Variants in GPHN observed in about 807,000 individuals in gnomAD.
GPHN encodes the protein gephyrin.
GPHN carries 17 observed loss-of-function variants against 95.5 expected under a neutral mutation model. The observed-to-expected ratio is 0.18, with a 90% CI of 0.12 to 0.27. GPHN has a LOEUF of 0.27. GPHN is among the 10% of genes least tolerant of loss of function. GPHN has a pLI of 1.00. For synonymous variants in GPHN, 320 were observed against 322.5 expected, an observed-to-expected ratio of 0.99 and a Z score of 0.08; for missense variants, 660 against 978.1, an observed-to-expected ratio of 0.67 and a Z score of 4.34.
At chr14:67,672,744 G>T in the GPHN span, among the ~76,000 whole-genome samples, 1 of 152,042 alleles carries the variant, frequency 6.6e-6, no homozygotes, top group Admixed American at 6.6e-5. Flanking sequence ...TACCCTGCCT[G>T]CAGTCTACTT....
chr14:66,813,252 A>T (rs1471887798), intron 3 of GPHN, among the ~76,000 whole-genome samples: 1 of 152,230 alleles, frequency 6.6e-6, no homozygotes, highest in Non-Finnish European at 1.5e-5. Flanking sequence ...AAAACACTAA[A>T]AGAATGGTTT....
the GPHN span, among the ~76,000 whole-genome samples, chr14:67,573,057 C>CA: frequency 2.0e-5 from 3 of 152,246 alleles, no homozygotes; most frequent in Admixed American, 6.5e-5. This position sits in a 1 kb window ranked among gnomAD's most constrained non-coding sequence, Gnocchi z 4.8. Flanking sequence ...CCCCAGCTAG[C>CA]ATGGGAGCCC....
At chr14:67,213,701 A>T in the GPHN span, among the ~76,000 whole-genome samples, 1,657 of 152,200 alleles carry the variant, frequency 0.011, 17 homozygotes, top group Non-Finnish European at 0.017. Context: ...GGCTGGGTCA[A>T]ATGGTATTTC....
intron 2 of GPHN, among the ~76,000 whole-genome samples, chr14:66,756,534 GCATTTC>G (rs1342008085): frequency 1.3e-5 from 2 of 151,840 alleles, no homozygotes; most frequent in African/African-American, 4.8e-5. Flanking sequence ...AGAGTCAACT[GCATTTC>G]CATTTTATAG....
At chr14:67,540,856 C>T in the GPHN span, among the ~76,000 whole-genome samples, 10,030 of 152,204 alleles carry the variant, frequency 0.066, 449 homozygotes, top group East Asian at 0.18. Flanking sequence ...CTCATGCACA[C>T]TCATGCATCC....
chr14:67,324,951 C>T, the GPHN span, among the ~76,000 whole-genome samples: 1 of 135,782 alleles, frequency 7.4e-6, no homozygotes, highest in Non-Finnish European at 1.5e-5. Flanking sequence ...GTCACCCAGG[C>T]TGGAGTGCAG....
chr14:67,556,037 G>T, the GPHN span: 2 of 1,067,428 alleles, frequency 1.9e-6, no homozygotes, highest in Admixed American at 4.4e-5. Context: ...TTCTGTGGGA[G>T]TAGAGTCTCT....
the GPHN span, among the ~76,000 whole-genome samples, chr14:67,665,098 C>G: frequency 6.6e-6 from 1 of 152,162 alleles, no homozygotes; most frequent in Non-Finnish European, 1.5e-5. Flanking sequence ...TGTGGTCCAC[C>G]CATCTCGGCC....
intron 10 of GPHN, among the ~76,000 whole-genome samples, chr14:67,028,654 G>GGTAT (rs1382445580): frequency 3.3e-5 from 5 of 152,092 alleles, no homozygotes; most frequent in Non-Finnish European, 5.9e-5. Flanking sequence ...ATTGGCCATA[G>GGTAT]GTATGTCCTC....
chr14:66,942,477 A>G (rs887231095), intron 8 of GPHN, among the ~76,000 whole-genome samples: 4 of 152,244 alleles, frequency 2.6e-5, no homozygotes, highest in African/African-American at 9.6e-5. Context: ...CCATCTTTTG[A>G]AAAGGATCAA....
At chr14:67,345,713 C>T in the GPHN span, 3 of 1,221,064 alleles carry the variant, frequency 2.5e-6, no homozygotes. Context: ...GACTCTCCTC[C>T]ACTTGACTGT....
chr14:66,736,056 A>G (rs1290637333), intron 2 of GPHN, among the ~76,000 whole-genome samples: 1 of 152,204 alleles, frequency 6.6e-6, no homozygotes, highest in Non-Finnish European at 1.5e-5. Context: ...CTAATGTATT[A>G]TTTTCAACTT....
At chr14:67,473,531 C>A in the GPHN span, 1 of 1,614,094 alleles carries the variant, frequency 6.2e-7, no homozygotes, top group South Asian at 1.1e-5. The surrounding 1 kb of genome is among the most constrained non-coding windows in gnomAD (Gnocchi z 6.5). Flanking sequence ...TGAACTGCTC[C>A]ATGATGAGGG....
At chr14:67,717,025 CTTTAT>C in the GPHN span, among the ~76,000 whole-genome samples, 1 of 152,060 alleles carries the variant, frequency 6.6e-6, no homozygotes, top group Non-Finnish European at 1.5e-5. Context: ...TATCAATCTA[CTTTAT>C]TTTATTAACA....
chr14:67,732,238 A>T, the GPHN span, among the ~76,000 whole-genome samples: 1 of 151,798 alleles, frequency 6.6e-6, no homozygotes, highest in Non-Finnish European at 1.5e-5. Context: ...GGAATTCCAT[A>T]CCAGCCTGGA....
intron 11 of GPHN, among the ~76,000 whole-genome samples, chr14:67,073,164 G>C (rs548158253): frequency 6.6e-6 from 1 of 152,100 alleles, no homozygotes; most frequent in South Asian, 2.1e-4. Context: ...AAGATCCAGG[G>C]TTCAAAAAGA....
At chr14:66,583,961 A>G (rs1008443223) in intron 1 of GPHN, among the ~76,000 whole-genome samples, 37 of 152,164 alleles carry the variant, frequency 2.4e-4, no homozygotes, top group African/African-American at 8.4e-4. Flanking sequence ...CATTGAATCT[A>G]TAAATTACCT....
chr14:66,870,004 T>C (rs1456854504), intron 4 of GPHN, among the ~76,000 whole-genome samples: 1 of 152,232 alleles, frequency 6.6e-6, no homozygotes, highest in Non-Finnish European at 1.5e-5. Context: ...AACTAGATGC[T>C]GAAATAGATC....
chr14:67,148,242 CA>C (rs2081017815), intron 18 of GPHN, among the ~76,000 whole-genome samples: 1 of 152,132 alleles, frequency 6.6e-6, no homozygotes, highest in Admixed American at 6.5e-5. Flanking sequence ...CACAAAAAGG[CA>C]AATTACACAA....
Sources: gnomAD v4.1 joint callset for allele counts (sites outside exome capture counted in the v4.1 genomes callset) on GRCh38, gnomAD v4.1.1 for gene constraint, Gnocchi (gnomAD v3.1) non-coding constraint, MANE v1.5 for transcripts, NCBI Gene and HGNC (gene_info 2026-07-23, HGNC 2026-07-21) for gene names.